The following FRMPD4 variants were observed in gnomAD, a reference collection of about 807,000 sequenced individuals.
FRMPD4 encodes the protein FERM and PDZ domain-containing protein 4.
FRMPD4 carries 22 observed loss-of-function variants against 94.1 expected under a neutral mutation model. That is an observed-to-expected ratio of 0.23 (90% CI 0.17 to 0.33). The LOEUF (loss-of-function observed/expected upper bound fraction) is 0.33. Among genes scored for constraint, FRMPD4 ranks in the 10% least tolerant of loss-of-function variants. The pLI is 1.00. For missense variants in FRMPD4, 1,111 were observed against 1,339.9 expected, an observed-to-expected ratio of 0.83 and a Z score of 2.67; for synonymous variants, 631 against 548.6, an observed-to-expected ratio of 1.15 and a Z score of -2.10.
chrX:11,824,153 A>T (rs780152501), intron 1 of FRMPD4, among the ~76,000 whole-genome samples: 1 of 111,790 alleles, frequency 8.9e-6, no homozygotes, highest in South Asian at 3.8e-4. Context: ...CACAATCTGA[A>T]TATAAGGTGA....
intron 3 of FRMPD4, among the ~76,000 whole-genome samples, chrX:12,127,741 C>G (rs768963959): frequency 1.8e-3 from 206 of 112,214 alleles, no homozygotes; most frequent in Non-Finnish European, 2.9e-3. Context: ...TCCCTTCCAC[C>G]TATAAGCCTG....
At chrX:12,573,852 A>G (rs909101927) in intron 2 of FRMPD4, among the ~76,000 whole-genome samples, 1 of 112,657 alleles carries the variant, frequency 8.9e-6, no homozygotes, top group Non-Finnish European at 1.9e-5. Flanking sequence ...GACTGAATGC[A>G]GAAGCAGATA....
intron 2 of FRMPD4, among the ~76,000 whole-genome samples, chrX:12,532,691 G>A (rs1236392710): frequency 1.8e-5 from 2 of 111,621 alleles, no homozygotes; most frequent in Non-Finnish European, 3.8e-5. Flanking sequence ...TAGCCCAGTG[G>A]CTGTCAATAA....
At chrX:12,686,544 A>G (rs1461718247) in intron 7 of FRMPD4, among the ~76,000 whole-genome samples, 1 of 112,463 alleles carries the variant, frequency 8.9e-6, no homozygotes, top group Non-Finnish European at 1.9e-5. Flanking sequence ...CAAGGCCAGC[A>G]TGATTTCTCA....
At chrX:12,200,488 T>A (rs775247423) in intron 1 of FRMPD4, among the ~76,000 whole-genome samples, 4 of 111,502 alleles carry the variant, frequency 3.6e-5, no homozygotes, top group African/African-American at 6.5e-5. Context: ...TTTTATTTTT[T>A]AAAATTTTAA....
chrX:12,264,603 T>A (rs757217530), intron 1 of FRMPD4, among the ~76,000 whole-genome samples: 1 of 112,483 alleles, frequency 8.9e-6, no homozygotes, highest in African/African-American at 3.2e-5. Flanking sequence ...GATGTAAGTG[T>A]AGGCTACCGT....
rs375347698 is a variant in FRMPD4, at chrX:12,723,326, A to G, written c.*1468A>G. ...CTTAGACAGGTGGCTCCTTAAGAAC[A>G]TGATGGGAGTACACCAGGTGCAAAT... On this transcript the variant is annotated 3_prime_UTR_variant, in exon 17 of 17. Coordinates refer to ENST00000675598, the MANE Select transcript of FRMPD4 (RefSeq NM_001368397.1). 2.2e-4 allele frequency: 25 copies of G among 111,118 alleles called. No homozygotes were observed. In the East Asian group the frequency reaches 5.9e-3, roughly 26 times the overall value. The allele number at this position is 111,118 out of a possible 1,213,427, so 9.2% of individuals were successfully genotyped here.
intron 2 of FRMPD4, among the ~76,000 whole-genome samples, chrX:12,502,666 T>C (rs191009411): frequency 2.8e-3 from 309 of 112,206 alleles, no homozygotes; most frequent in African/African-American, 9.7e-3. Flanking sequence ...TAAAAATAGA[T>C]ATAGATGTGG....
In FRMPD4 at chrX:12,718,005, A is replaced by C. The variant is rs754886487; in HGVS notation, c.3179A>C (p.Glu1060Ala). Residue 1060 changes from glutamate to alanine, a missense_variant, in exon 16 of 17, where the codon GAG (glutamate) becomes GCG (alanine). Glu to Ala is a moderately radical substitution (Grantham distance 107). This residue lies in a region of FRMPD4 where 551 missense variants were observed against 591.6 expected (regional missense o/e 0.93). Coordinates refer to ENST00000675598, the MANE Select transcript of FRMPD4 (RefSeq NM_001368397.1). The part of the protein sequence containing the change: ...QGTKTAEMEE[E>A]ASGKFGTVSS... ...ACCAAAACGGCAGAGATGGAGGAGGAGGCCAGTGGTAAATTTGGTACTGTG... is the reference window on the plus strand; with the variant it reads ...ACCAAAACGGCAGAGATGGAGGAGGCGGCCAGTGGTAAATTTGGTACTGTG... 9.1e-6 allele frequency: 11 copies of C among 1,210,459 alleles called. No individual in the cohort carries two copies. Among genetic ancestry groups the C allele is most frequent in the East Asian group, 3.0e-5 (1 of 33,775 alleles).
At chrX:12,640,704 T>C (rs1396003909) in intron 4 of FRMPD4, among the ~76,000 whole-genome samples, 1 of 112,499 alleles carries the variant, frequency 8.9e-6, no homozygotes, top group Admixed American at 9.4e-5. Context: ...ATTACACTTT[T>C]AATCTGGTCT....
At chrX:12,020,777 G>A (rs1226113177) in intron 3 of FRMPD4, among the ~76,000 whole-genome samples, 1 of 111,867 alleles carries the variant, frequency 8.9e-6, no homozygotes, top group Non-Finnish European at 1.9e-5. Flanking sequence ...AACCCCCTTT[G>A]AGTAGAGTCT....
chrX:12,196,640 T>TA lies in FRMPD4; in HGVS notation c.41+57634dup, dbSNP rs766052530. Among the ~76,000 whole-genome samples, 25 of 107,679 alleles carry TA rather than the reference T, an allele frequency of 2.3e-4. No homozygotes were observed. The South Asian group carries it at 9.2e-3, about 40-fold the overall frequency. 93.5% of individuals were successfully genotyped at this position (107,679 alleles called of 115,157 possible). ...TGCAAAAAGAAAGTTTATATATATA[T>TA]AAAAAATATATTTATAATCTATATA... On this transcript the variant is annotated intron_variant, in intron 1 of 16. Transcript: ENST00000675598.
chrX:12,674,831 A>G (rs1569403049), intron 4 of FRMPD4, 32 bp from the exon 5 acceptor site: 2 of 982,184 alleles, frequency 2.0e-6, no homozygotes, highest in Non-Finnish European at 2.9e-6. Context: ...CTCAGTGCAT[A>G]TCATAAATAT....
intron 1 of FRMPD4, among the ~76,000 whole-genome samples, chrX:12,169,711 C>G (rs1042711185): frequency 7.1e-5 from 8 of 112,201 alleles, no homozygotes; most frequent in African/African-American, 2.6e-4. Context: ...TTTTATACTT[C>G]TTGAGTTAAC....
chrX:11,929,155 T>A (rs1234830359), intron 3 of FRMPD4, among the ~76,000 whole-genome samples: 1 of 111,981 alleles, frequency 8.9e-6, no homozygotes, highest in Non-Finnish European at 1.9e-5. Flanking sequence ...TAGTGGGTAC[T>A]AGGCTTAATA....
At position 12,722,853 on chromosome X, in the gene FRMPD4, T is replaced by C. The variant is rs1299313719; in HGVS notation, c.*995T>C. The C allele has an allele frequency of 1.8e-5, 2 of 111,478 alleles. No homozygotes were observed. Among genetic ancestry groups the C allele is most frequent in the Non-Finnish European group, 3.8e-5 (2 of 53,161 alleles). 9.2% of individuals were successfully genotyped at this position (111,478 alleles called of 1,213,427 possible). ...TCAAAATTAAGTACAGATTCAGTAA[T>C]GTAGACCAGACCACACACCAGCACC... On this transcript the variant is annotated 3_prime_UTR_variant, in exon 17 of 17. Transcript: ENST00000675598.
chrX:12,053,486 AGAAG>A (rs1311883674), intron 3 of FRMPD4, among the ~76,000 whole-genome samples: 1 of 109,707 alleles, frequency 9.1e-6, no homozygotes, highest in East Asian at 2.8e-4. Flanking sequence ...GAAGGAAAGA[AGAAG>A]GAAAGAAAGA....
intron 1 of FRMPD4, among the ~76,000 whole-genome samples, chrX:12,318,123 A>G (rs2055154791): frequency 1.8e-5 from 2 of 113,059 alleles, no homozygotes; most frequent in African/African-American, 3.2e-5. Context: ...TCAGCCATAT[A>G]AAAAGAATGA....
At chrX:12,512,118 T>C (rs979271886) in intron 2 of FRMPD4, among the ~76,000 whole-genome samples, 2 of 112,611 alleles carry the variant, frequency 1.8e-5, no homozygotes, top group Non-Finnish European at 3.7e-5. Flanking sequence ...GCTCAGACAA[T>C]TGTTGCCACA....
Sources: allele counts gnomAD v4.1 joint callset (sites outside exome capture counted in the v4.1 genomes callset), GRCh38; gene constraint gnomAD v4.1.1; regional missense constraint gnomAD v4.1.1; transcripts MANE v1.5; gene names NCBI Gene and HGNC (gene_info 2026-07-23, HGNC 2026-07-21).